Variants in HYDIN observed in about 807,000 individuals in gnomAD.
HYDIN encodes axonemal central pair apparatus protein HYDIN.
In HYDIN, 132 loss-of-function variants were observed where a neutral mutation model predicts 403.9. The observed-to-expected ratio is 0.33, with a 90% CI of 0.28 to 0.38. The LOEUF (loss-of-function observed/expected upper bound fraction) is 0.38, where lower values mean the gene tolerates loss of function less well. Among genes scored for constraint, HYDIN ranks in the 10% least tolerant of loss-of-function variants. HYDIN has a pLI of 1.00. For synonymous variants in HYDIN, 1,202 were observed against 1,891.7 expected, an observed-to-expected ratio of 0.64 and a Z score of 9.46; for missense variants, 2,827 against 5,009.5, an observed-to-expected ratio of 0.56 and a Z score of 13.15.
chr16:70,982,216 TTA>T (rs1423031834), intron 28 of HYDIN, among the ~76,000 whole-genome samples: 4 of 151,774 alleles, frequency 2.6e-5, no homozygotes, highest in South Asian at 2.1e-4. Flanking sequence ...TGAGAAAACT[TTA>T]TGTCAATATA....
chr16:70,908,002 A>G (rs1227165921), intron 49 of HYDIN, among the ~76,000 whole-genome samples: 1 of 152,196 alleles, frequency 6.6e-6, no homozygotes, highest in Non-Finnish European at 1.5e-5. Flanking sequence ...CTAATTTGCC[A>G]AAGGAAGACT....
rs371712530 is a variant in HYDIN at position 70,868,804 on chromosome 16, G to A, written c.11092-16C>T. On this transcript the variant is annotated splice_polypyrimidine_tract_variant and intron_variant, in intron 65 of 85. Transcript: ENST00000393567. ...GGTGGCCCATCTAGGAAAGAGCCTG[G>A]TATTAGTATTTTTGAGAATCCGATC... The A allele has an allele frequency of 3.7e-6, 6 of 1,607,294 alleles. No homozygotes were observed. Among genetic ancestry groups the A allele is most frequent in the South Asian group, 2.2e-5 (2 of 89,944 alleles).
chr16:71,171,171 G>A (rs527711155), intron 5 of HYDIN, among the ~76,000 whole-genome samples: 41 of 152,224 alleles, frequency 2.7e-4, no homozygotes, highest in Admixed American at 1.6e-3. Context: ...GCGTGTTTCT[G>A]CCACAAGGCC....
chr16:71,069,781 C>A, intron 13 of HYDIN, among the ~76,000 whole-genome samples: 1 of 152,304 alleles, frequency 6.6e-6, no homozygotes, highest in East Asian at 1.9e-4. Flanking sequence ...ATAAAACAAG[C>A]CCCTTGATTG....
At chr16:71,066,467 A>C (rs2082270933) in intron 15 of HYDIN, 1 of 160,756 alleles carries the variant, frequency 6.2e-6, no homozygotes, top group South Asian at 1.8e-4. Flanking sequence ...AGAGATCAGA[A>C]TTCCAGAGAT....
chr16:70,810,891 G>A (rs2035454055), intron 84 of HYDIN, among the ~76,000 whole-genome samples: 1 of 152,100 alleles, frequency 6.6e-6, no homozygotes, highest in Non-Finnish European at 1.5e-5. Flanking sequence ...TGATGTTGAT[G>A]ATATTTTAAG....
At chr16:70,938,117 T>C (rs1458082284) in intron 44 of HYDIN, among the ~76,000 whole-genome samples, 1 of 152,212 alleles carries the variant, frequency 6.6e-6, no homozygotes, top group African/African-American at 2.4e-5. Context: ...CCTCAGGGGA[T>C]GGGCAGCACC....
At chr16:71,186,716 G>A (rs768036377) in intron 2 of HYDIN, 45 bp downstream of exon 2, 11 of 1,493,228 alleles carry the variant, frequency 7.4e-6, no homozygotes, top group African/African-American at 4.2e-5. Flanking sequence ...TTCTCCTAAG[G>A]AGATTGCATT....
chr16:70,996,259 A>AGAGG (rs2079529359), intron 23 of HYDIN, among the ~76,000 whole-genome samples: 1 of 152,336 alleles, frequency 6.6e-6, no homozygotes, highest in East Asian at 1.9e-4. Context: ...AGTCACCTCA[A>AGAGG]GAACCACACT....
At position 70,864,344 on chromosome 16, in the gene HYDIN, A is replaced by AC. The variant is rs2039603186; in HGVS notation, c.11472-1163_11472-1162insG. Among the ~76,000 whole-genome samples, 12 of 42,558 alleles carry AC rather than the reference A, an allele frequency of 2.8e-4. 1 individual carries two copies. The highest frequency in any genetic ancestry group is 1.7e-3 in the South Asian group (2 of 1,160). 27.9% of individuals were successfully genotyped at this position (42,558 alleles called of 152,430 possible). A position where few individuals can be genotyped will look rare whatever the true frequency, so the allele number is the denominator to read the frequency against. ...AGACTCCGGCTCAAAAAAAAAAAAAAAAAAAAAAAAAAAAAAAAAAAAAAA... is the reference window on the plus strand; with the variant it reads ...AGACTCCGGCTCAAAAAAAAAAAAAACAAAAAAAAAAAAAAAAAAAAAAAAA... On this transcript the variant is annotated intron_variant, in intron 67 of 85. Coordinates refer to ENST00000393567, the MANE Select transcript of HYDIN (RefSeq NM_001270974.2).
At chr16:70,825,691 C>T (rs28677905) in intron 83 of HYDIN, among the ~76,000 whole-genome samples, 5,361 of 149,934 alleles carry the variant, frequency 0.036, 333 homozygotes, top group African/African-American at 0.13. Flanking sequence ...ACCATTAAGT[C>T]ACTCCCCTTT....
chr16:70,966,895 T>C (rs2078593774), intron 36 of HYDIN, among the ~76,000 whole-genome samples: 2 of 150,578 alleles, frequency 1.3e-5, no homozygotes, highest in South Asian at 2.2e-4. Context: ...GACTCCATGA[T>C]GGAAATTAAG....
chr16:71,124,248 G>A (rs921378516), intron 9 of HYDIN, among the ~76,000 whole-genome samples: 24 of 152,206 alleles, frequency 1.6e-4, no homozygotes, highest in Non-Finnish European at 2.6e-4. Flanking sequence ...AGAAGGTGAC[G>A]GAAGGGACAC....
At chr16:70,902,994 TCACC>T (rs2143760693) in intron 52 of HYDIN, among the ~76,000 whole-genome samples, 1 of 142,544 alleles carries the variant, frequency 7.0e-6, no homozygotes, top group East Asian at 2.0e-4. Flanking sequence ...TTTCACTCTA[TCACC>T]CAGGCTAGAG....
chr16:71,225,808 G>A (rs1212137067), intron 1 of HYDIN, among the ~76,000 whole-genome samples: 1 of 151,902 alleles, frequency 6.6e-6, no homozygotes, highest in Non-Finnish European at 1.5e-5. Flanking sequence ...TTTTAAAACA[G>A]TATCATATAC....
At chr16:70,984,803 G>A (rs1286895133) in intron 28 of HYDIN, among the ~76,000 whole-genome samples, 16 of 150,294 alleles carry the variant, frequency 1.1e-4, no homozygotes, top group African/African-American at 3.0e-4. Flanking sequence ...TCTGAAACCA[G>A]TTTGGCTCAG....
rs780598910 is a variant in HYDIN at position 71,069,406 on chromosome 16, C to T, written c.1835G>A (p.Ser612Asn). 5.0e-6 allele frequency: 8 copies of T among 1,614,142 alleles called. No homozygotes were observed. Among genetic ancestry groups the T allele is most frequent in the Admixed American group, 1.7e-5 (1 of 60,028 alleles). The change falls in exon 14 of 86, where the codon AGC (serine) becomes AAC (asparagine). Residue 612 changes from serine to asparagine, a missense_variant. Ser to Asn is a conservative substitution (Grantham distance 46). Coordinates refer to ENST00000393567, the MANE Select transcript of HYDIN (RefSeq NM_001270974.2). ...RIPGDGLGHK[S>N]ISYCEQHVDY... ...CACATGCTGCTCACAATATGAAATG[C>T]TTTTATGGCCAAGGCCATCCCCAGG...
chr16:71,178,116 T>G (rs1362826794), intron 4 of HYDIN, among the ~76,000 whole-genome samples: 2 of 152,118 alleles, frequency 1.3e-5, no homozygotes, highest in Non-Finnish European at 2.9e-5. Flanking sequence ...AAATGCATTG[T>G]AAAATACAAA....
At chr16:70,967,555 C>T (rs2078615756) in intron 36 of HYDIN, among the ~76,000 whole-genome samples, 1 of 151,950 alleles carries the variant, frequency 6.6e-6, no homozygotes, top group Admixed American at 6.6e-5. Context: ...GATCACAGCT[C>T]ACTGCAACCT....
Sources: allele counts gnomAD v4.1 joint callset (sites outside exome capture counted in the v4.1 genomes callset), GRCh38; gene constraint gnomAD v4.1.1; transcripts MANE v1.5; gene names NCBI Gene and HGNC (gene_info 2026-07-23, HGNC 2026-07-21).